The following MED23 variants were observed in gnomAD, a reference collection of about 807,000 sequenced individuals.
MED23 encodes mediator of RNA polymerase II transcription subunit 23.
A neutral mutation model predicts 163.9 loss-of-function variants in MED23; 105 were observed. That is an observed-to-expected ratio of 0.64 (90% CI 0.55 to 0.75). MED23 has a LOEUF of 0.75. Ranked by LOEUF, MED23 falls within the 30% of genes least tolerant of loss-of-function variation. The pLI is 0.00. For synonymous variants in MED23, 561 were observed against 565.6 expected, an observed-to-expected ratio of 0.99 and a Z score of 0.12; for missense variants, 1,054 against 1,649.0, an observed-to-expected ratio of 0.64 and a Z score of 6.25.
At position 131,586,897 on chromosome 6, in the gene MED23, A is replaced by C. The variant is rs989604436; in HGVS notation, c.*782T>G. Reference sequence around the variant, plus strand: ...AAATTTAAAAATTTTAAGATTATAAAAATTGAAGAATTACATCATCTGTCA... The same window carrying C: ...AAATTTAAAAATTTTAAGATTATAACAATTGAAGAATTACATCATCTGTCA... On this transcript the variant is annotated 3_prime_UTR_variant, in exon 29 of 29. Transcript: ENST00000368068. 1 of 1,453,308 alleles carries C rather than the reference A, an allele frequency of 6.9e-7. No homozygotes were observed. The highest frequency in any genetic ancestry group is 1.4e-5 in the African/African-American group (1 of 70,840). 90.0% of individuals were successfully genotyped at this position (1,453,308 alleles called of 1,614,324 possible).
chr6:131,585,754 T>C (rs1199920220), downstream of MED23, among the ~76,000 whole-genome samples: 1 of 152,206 alleles, frequency 6.6e-6, no homozygotes, highest in Non-Finnish European at 1.5e-5. Flanking sequence ...AAAGGCATTT[T>C]TTTCCCCTCT....
Position 131,581,264 on chromosome 6 carries a change from T to A in MED23, c.4095+6445A>T, listed in dbSNP as rs754205928. ...CTGGCCATGCCAGGGTCCACCCTGA[T>A]CTTGGAGTCATCTGGGTGGATGCTC... On this transcript the variant is annotated intron_variant, in intron 30 of 30. Coordinates refer to the MED23 transcript ENST00000354577. 3.1e-6 allele frequency: 5 copies of A among 1,613,942 alleles called. No individual in the cohort carries two copies. In the East Asian group the frequency reaches 1.1e-4, roughly 36 times the overall value.
rs1320517950 is a variant in MED23 at position 131,621,175 on chromosome 6, G to A, written c.496-446C>T. The stretch of plus-strand genomic sequence containing the variant: ...TTAAAAAGTAGAGATGTTACTTTCT[G>A]GAGAGATGTTGGTCAAAGGACAAAA... On this transcript the variant is annotated intron_variant, in intron 6 of 28. Coordinates refer to ENST00000368068, the MANE Select transcript of MED23 (RefSeq NM_004830.4). Among the ~76,000 whole-genome samples the A allele has an allele frequency of 3.3e-5, 5 of 152,146 alleles. No homozygotes were observed. The South Asian group carries it at 1.0e-3, about 31-fold the overall frequency.
At chr6:131,597,953 G>A (rs1167373572) in intron 20 of MED23, among the ~76,000 whole-genome samples, 1 of 151,970 alleles carries the variant, frequency 6.6e-6, no homozygotes, top group Non-Finnish European at 1.5e-5. Context: ...AAACTAGCTG[G>A]GTATGGTAGC....
At chr6:131,622,024 C>T (rs1407130275) in intron 5 of MED23, 45 bp from the exon 6 acceptor site, 3 of 1,385,272 alleles carry the variant, frequency 2.2e-6, no homozygotes, top group Middle Eastern at 1.8e-4. Flanking sequence ...GTAGTGTCTA[C>T]TGTGTTAGCT....
chr6:131,593,416 A>G (rs1409903651), intron 23 of MED23, among the ~76,000 whole-genome samples: 3 of 152,188 alleles, frequency 2.0e-5, no homozygotes, highest in Non-Finnish European at 4.4e-5. Context: ...CACAGATGCA[A>G]CCAAGGTTTA....
intron 23 of MED23, 39 bp from the exon 24 acceptor site, chr6:131,593,210 T>A (rs1345960657): frequency 6.2e-7 from 1 of 1,612,460 alleles, no homozygotes; most frequent in East Asian, 2.2e-5. Context: ...GACTATCTCA[T>A]CTGATTGTCA....
At chr6:131,583,757 TA>T (rs2114551021), downstream of MED23, 1 of 1,614,010 alleles carries the variant, frequency 6.2e-7, no homozygotes, top group Non-Finnish European at 8.5e-7. Flanking sequence ...CTCTCAGGAT[TA>T]GATATAATGG....
intron 27 of MED23, 21 bp from the exon 28 acceptor site, chr6:131,589,617 A>C (rs1221735660): frequency 1.9e-6 from 3 of 1,610,250 alleles, no homozygotes; most frequent in African/African-American, 1.3e-5. Context: ...AATAATGTAA[A>C]ATTATTTAAG....
At position 131,628,007 on chromosome 6, in the gene MED23, TCAC is replaced by T; in HGVS notation, c.39+1_39+3del. The T allele has an allele frequency of 1.2e-6, 2 of 1,614,006 alleles. No individual in the cohort carries two copies. Among genetic ancestry groups the T allele is most frequent in the Non-Finnish European group, 1.7e-6 (2 of 1,180,014 alleles). On this transcript the variant is annotated splice_donor_variant and splice_donor_region_variant and intron_variant, in intron 1 of 28. Transcript: ENST00000368068. LOFTEE classifies it high-confidence loss of function. ...AGTCCTGGATGGCCGGCAGCTGCAC[TCAC>T]CACCACCTCTTCGAAAATGCTCTGC...
chr6:131,613,649 A>C (rs1776436530), intron 10 of MED23, among the ~76,000 whole-genome samples: 1 of 152,154 alleles, frequency 6.6e-6, no homozygotes, highest in South Asian at 2.1e-4. Flanking sequence ...CCCCTAACTA[A>C]AAGTTTTCTA....
chr6:131,618,449 A>G lies in MED23; in HGVS notation c.738T>C (p.Ala246=), dbSNP rs748092701. 10 of 1,613,956 alleles carry G rather than the reference A, an allele frequency of 6.2e-6. No individual in the cohort carries two copies. Among genetic ancestry groups the G allele is most frequent in the Non-Finnish European group, 8.5e-6 (10 of 1,179,968 alleles). The change falls in exon 9 of 29, where the codon GCT becomes GCC. Residue 246 remains alanine, a synonymous_variant. Transcript: ENST00000368068. ...AICNSWKLDP[A]TLRFPLKGLL... is the part of the protein sequence containing the mutation. ...GGCCTTTCAAAGGAAAACGAAGAGTAGCAGGATCCAGTTTCCATGAATTAC... is the reference window on the plus strand; with the variant it reads ...GGCCTTTCAAAGGAAAACGAAGAGTGGCAGGATCCAGTTTCCATGAATTAC...
chr6:131,625,624 GA>G (rs1194724548), intron 3 of MED23, among the ~76,000 whole-genome samples: 1 of 152,038 alleles, frequency 6.6e-6, no homozygotes, highest in Non-Finnish European at 1.5e-5. Flanking sequence ...CAATGATTTG[GA>G]AATACCTATT....
intron 10 of MED23, 80 bp from the exon 11 acceptor site, chr6:131,610,326 G>GT (rs1165244941): frequency 6.7e-6 from 9 of 1,348,782 alleles, no homozygotes; most frequent in African/African-American, 1.4e-5. Flanking sequence ...GGCATTAATT[G>GT]TAACAAGAGG....
intron 1 of MED23, 84 bp downstream of exon 1, chr6:131,627,927 G>A (rs1487626878): frequency 1.3e-6 from 2 of 1,549,410 alleles, no homozygotes; most frequent in East Asian, 2.2e-5. Flanking sequence ...AGAGGAGGTT[G>A]CCCAGGCCAG....
At chr6:131,610,947 T>C (rs1776236811) in intron 10 of MED23, among the ~76,000 whole-genome samples, 2 of 152,184 alleles carry the variant, frequency 1.3e-5, no homozygotes. Context: ...GAATTGAGTT[T>C]AAACACTAAA....
At chr6:131,576,995 G>A (rs1773645392) in intron 30 of MED23, among the ~76,000 whole-genome samples, 1 of 152,126 alleles carries the variant, frequency 6.6e-6, no homozygotes, top group Admixed American at 6.6e-5. Flanking sequence ...TGCAAGAACG[G>A]GGGTTGGGGT....
chr6:131,612,128 C>T (rs895267871), intron 10 of MED23, among the ~76,000 whole-genome samples: 1 of 152,016 alleles, frequency 6.6e-6, no homozygotes, highest in Non-Finnish European at 1.5e-5. Flanking sequence ...GGAATATCTA[C>T]AGTACCTAAT....
At chr6:131,604,928 A>G (rs769659510) in intron 14 of MED23, among the ~76,000 whole-genome samples, 44 of 152,326 alleles carry the variant, frequency 2.9e-4, no homozygotes, top group Middle Eastern at 3.4e-3. Flanking sequence ...AGCCCTTTCC[A>G]AAAATGTTGG....
Sources: allele counts gnomAD v4.1 joint callset (sites outside exome capture counted in the v4.1 genomes callset), GRCh38; gene constraint gnomAD v4.1.1; transcripts MANE v1.5; gene names NCBI Gene and HGNC (gene_info 2026-07-23, HGNC 2026-07-21).